SYCE1: variants seen among roughly 807,000 people sequenced by gnomAD.
The protein encoded by SYCE1 is cancer/testis antigen 76.
SYCE1 carries 37 observed loss-of-function variants against 55.1 expected under a neutral mutation model. That is an observed-to-expected ratio of 0.67 (90% CI 0.52 to 0.88). The LOEUF is 0.88. Among genes scored for constraint, SYCE1 ranks in the 40% least tolerant of loss-of-function variants. The probability of loss-of-function intolerance (pLI) is 0.00; values close to 1 mark genes in which losing one functional copy is unlikely to be tolerated. For synonymous variants in SYCE1, 163 were observed against 159.4 expected, an observed-to-expected ratio of 1.02 and a Z score of -0.17; for missense variants, 399 against 416.4, an observed-to-expected ratio of 0.96 and a Z score of 0.36.
upstream of SYCE1, among the ~76,000 whole-genome samples, chr10:133,566,154 C>T (rs1294879900): frequency 1.3e-5 from 2 of 152,310 alleles, no homozygotes; most frequent in East Asian, 1.9e-4. Flanking sequence ...GTCCCTGCCG[C>T]GCTGGGGCCA....
upstream of SYCE1, among the ~76,000 whole-genome samples, chr10:133,567,210 G>T (rs934443921): frequency 2.0e-5 from 3 of 151,676 alleles, no homozygotes; most frequent in African/African-American, 7.3e-5. Flanking sequence ...AGGGGTTAGG[G>T]TTAGGGGTTT....
At chr10:133,555,176 G>C (rs1851626953) in intron 12 of SYCE1, 47 bp from the exon 13 acceptor site, 2 of 1,532,012 alleles carry the variant, frequency 1.3e-6, no homozygotes, top group Non-Finnish European at 1.8e-6. Context: ...CCATCCCCAT[G>C]GCCACATGGT....
chr10:133,568,235 C>A (rs1217744840), upstream of SYCE1: 2 of 1,381,326 alleles, frequency 1.4e-6, no homozygotes, highest in Non-Finnish European at 2.0e-6. Flanking sequence ...GGAACCCAGT[C>A]CTCCTCGTCC....
At chr10:133,566,709 G>A (rs1310579492), upstream of SYCE1, among the ~76,000 whole-genome samples, 3 of 151,448 alleles carry the variant, frequency 2.0e-5, no homozygotes, top group Admixed American at 2.0e-4. Context: ...GGGTTTTAGG[G>A]TAGGGGATAG....
At chr10:133,559,047 G>T in intron 3 of SYCE1, 96 bp from the exon 4 acceptor site, 2 of 1,298,286 alleles carry the variant, frequency 1.5e-6, no homozygotes, top group Non-Finnish European at 2.1e-6. Context: ...ATCTATAGTG[G>T]CCTAGATTTT....
At chr10:133,558,408 G>C (rs1470826069) in intron 4 of SYCE1, 194 bp from the exon 5 acceptor site, 2 of 634,558 alleles carry the variant, frequency 3.2e-6, no homozygotes, top group East Asian at 5.5e-5. Context: ...CATTTACAGA[G>C]GGTGGCTGTG....
chr10:133,556,936 C>A lies in SYCE1; in HGVS notation c.465-114G>T, dbSNP rs143843917. On this transcript the variant is annotated intron_variant, in intron 7 of 12. Transcript: ENST00000343131. ...TGGGGTGCTTTGCCCATGGTCTCTG[C>A]TCCACTGGGAACATCTTCACCACCT... The A allele has an allele frequency of 8.0e-5, 119 of 1,491,476 alleles. No homozygotes were observed. In the African/African-American group the frequency reaches 1.4e-3, roughly 18 times the overall value. 92.4% of individuals were successfully genotyped at this position (1,491,476 alleles called of 1,614,324 possible). A position where few individuals can be genotyped will look rare whatever the true frequency, so the allele number is the denominator to read the frequency against.
chr10:133,561,509 T>G (rs1337496962), intron 1 of SYCE1, among the ~76,000 whole-genome samples: 1 of 152,230 alleles, frequency 6.6e-6, no homozygotes, highest in Non-Finnish European at 1.5e-5. Flanking sequence ...CCTGCTTCCA[T>G]GAAAGTTCCT....
At chr10:133,559,763 C>A (rs563343496) in intron 2 of SYCE1, 3 of 356,726 alleles carry the variant, frequency 8.4e-6, no homozygotes, top group South Asian at 5.3e-5. Flanking sequence ...AGGAGCCTAG[C>A]GAGCAAAGAG....
chr10:133,568,086 G>C (rs958108272), upstream of SYCE1: 25 of 700,960 alleles, frequency 3.6e-5, no homozygotes, highest in Non-Finnish European at 5.8e-5. Flanking sequence ...ACCGAGCCCA[G>C]CCAGGCCTAG....
In SYCE1 at chr10:133,565,562, G is replaced by A. The variant is rs531904901; in HGVS notation, c.-33C>T. ...CAGCTCGCCAGCGAGGGTGCCTCGG[G>A]AGGGAGCCTCCAGTGGTGATTGGAG... On this transcript the variant is annotated 5_prime_UTR_variant, in exon 1 of 13. Coordinates refer to ENST00000343131, the MANE Select transcript of SYCE1 (RefSeq NM_001143764.3). 1.0e-4 allele frequency: 155 copies of A among 1,545,880 alleles called. 1 individual carries two copies. In the East Asian group the frequency reaches 3.5e-3, roughly 35 times the overall value.
At chr10:133,567,397 G>A (rs1340174805), upstream of SYCE1, among the ~76,000 whole-genome samples, 1 of 151,596 alleles carries the variant, frequency 6.6e-6, no homozygotes, top group African/African-American at 2.4e-5. Flanking sequence ...TGCGTTAGTG[G>A]TTAGGGTTAA....
At chr10:133,558,434 G>T in intron 4 of SYCE1, 1 of 594,760 alleles carries the variant, frequency 1.7e-6, no homozygotes. Flanking sequence ...CCTGGAGGAT[G>T]CTCGTGCTTT....
At chr10:133,555,240 C>G (rs1425442142) in intron 12 of SYCE1, 111 bp from the exon 13 acceptor site, 2 of 1,566,804 alleles carry the variant, frequency 1.3e-6, no homozygotes, top group Non-Finnish European at 1.7e-6. Flanking sequence ...AAGGCCCTCC[C>G]CATAGACCAT....
rs377480395 is a variant in SYCE1, at chr10:133,555,738, C to T, written c.720-31G>A. The T allele has an allele frequency of 2.5e-4, 408 of 1,608,546 alleles. 4 individuals carry two copies. In the South Asian group the frequency reaches 3.7e-3, roughly 15 times the overall value. Reference sequence around the variant, plus strand: ...GGGCCCAGTAGGGGGTGGTCAGCACCGGCCACTCCCTCCTCCCACCCTCTT... The same window carrying T: ...GGGCCCAGTAGGGGGTGGTCAGCACTGGCCACTCCCTCCTCCCACCCTCTT... On this transcript the variant is annotated intron_variant, in intron 10 of 12. Coordinates refer to ENST00000343131, the MANE Select transcript of SYCE1 (RefSeq NM_001143764.3).
At chr10:133,564,378 A>G in intron 1 of SYCE1, 2 of 985,038 alleles carry the variant, frequency 2.0e-6, no homozygotes, top group Non-Finnish European at 2.4e-6. Flanking sequence ...CTAAGGCACA[A>G]GCGACATTGG....
intron 11 of SYCE1, 70 bp from the exon 12 acceptor site, chr10:133,555,508 A>G: frequency 1.2e-6 from 2 of 1,610,000 alleles, no homozygotes; most frequent in Non-Finnish European, 1.7e-6. Context: ...GAGGTTTTCA[A>G]GAGTCAGAGA....
intron 1 of SYCE1, among the ~76,000 whole-genome samples, chr10:133,565,040 C>T (rs9630002): frequency 0.1 from 15,675 of 151,866 alleles, 804 homozygotes; most frequent in East Asian, 0.25. Flanking sequence ...GGGTGGGGGG[C>T]CCCACTGTCA....
At chr10:133,556,948 C>G (rs1340124386) in intron 7 of SYCE1, 119 bp downstream of exon 7, 2 of 1,476,146 alleles carry the variant, frequency 1.4e-6, no homozygotes, top group Non-Finnish European at 1.9e-6. Flanking sequence ...CCACTGGGAA[C>G]ATCTTCACCA....
Sources: gnomAD v4.1 joint callset for allele counts (sites outside exome capture counted in the v4.1 genomes callset) on GRCh38, gnomAD v4.1.1 for gene constraint, MANE v1.5 for transcripts, NCBI Gene and HGNC (gene_info 2026-07-23, HGNC 2026-07-21) for gene names.